TRPV5: variants seen among roughly 807,000 people sequenced by gnomAD.
TRPV5 encodes transient receptor potential cation channel subfamily V member 5.
TRPV5 carries 66 observed loss-of-function variants against 74.1 expected under a neutral mutation model. The ratio of observed to expected loss-of-function variants is 0.89; its 90% CI spans 0.73 to 1.09. TRPV5 has a LOEUF of 1.09. Among genes scored for constraint, TRPV5 ranks in the 50% least tolerant of loss-of-function variants. The pLI is 0.00. For synonymous variants in TRPV5, 399 were observed against 360.7 expected, an observed-to-expected ratio of 1.11 and a Z score of -1.20; for missense variants, 936 against 930.4, an observed-to-expected ratio of 1.01 and a Z score of -0.08.
At chr7:142,912,152 G>A (rs1795710880) in intron 13 of TRPV5, among the ~76,000 whole-genome samples, 1 of 152,202 alleles carries the variant, frequency 6.6e-6, no homozygotes, top group Non-Finnish European at 1.5e-5. Context: ...GGGATTTACA[G>A]AAGCAAATAG....
intron 7 of TRPV5, among the ~76,000 whole-genome samples, chr7:142,927,173 T>C (rs917194300): frequency 2.0e-5 from 3 of 152,302 alleles, no homozygotes; most frequent in African/African-American, 7.2e-5. Flanking sequence ...AGCCCCAGCA[T>C]TTCCTCTGTG....
intron 1 of TRPV5, among the ~76,000 whole-genome samples, chr7:142,932,496 A>G (rs528559056): frequency 6.6e-6 from 1 of 152,342 alleles, no homozygotes; most frequent in East Asian, 1.9e-4. Flanking sequence ...AGGGCATTGA[A>G]CAAAGCACAG....
In TRPV5 at chr7:142,908,568, C is replaced by G. The variant is rs4252509; in HGVS notation, c.2136G>C (p.Leu712Phe). 3.5e-5 allele frequency: 56 copies of G among 1,614,120 alleles called. No individual in the cohort carries two copies. The African/African-American group carries it at 6.3e-4, about 18-fold the overall frequency. The change falls in exon 15 of 15, where the codon TTG becomes TTC. Residue 712 changes from leucine to phenylalanine, a missense_variant. Leu to Phe is a conservative substitution (Grantham distance 22). Coordinates refer to ENST00000265310, the MANE Select transcript of TRPV5 (RefSeq NM_019841.7). ...EILRQNTLGH[L>F]NLGLNLSEGD... ...CCTCACTAAGGTTCAGTCCAAGATT[C>G]AAGTGCCCCAGGGTGTTTTGACGAA...
intron 12 of TRPV5, among the ~76,000 whole-genome samples, chr7:142,913,524 T>G (rs1434747604): frequency 6.6e-6 from 1 of 152,170 alleles, no homozygotes; most frequent in African/African-American, 2.4e-5. Flanking sequence ...GACCATCACC[T>G]CATTTTGTAA....
chr7:142,929,198 C>T (rs2116607081), intron 4 of TRPV5, 78 bp from the exon 5 acceptor site: 1 of 1,549,698 alleles, frequency 6.5e-7, no homozygotes, highest in East Asian at 2.4e-5. Context: ...AAATAAGGGC[C>T]TCCTCCTCAT....
chr7:142,912,837 G>GATCGATCTATCT, intron 12 of TRPV5, 87 bp from the exon 13 acceptor site: 1 of 734,312 alleles, frequency 1.4e-6, no homozygotes, highest in African/African-American at 1.8e-5. Context: ...TTCTATCTCT[G>GATCGATCTATCT]ATCTATCTAT....
chr7:142,915,070 T>G, intron 10 of TRPV5, 24 bp from the exon 11 acceptor site: 1 of 1,609,834 alleles, frequency 6.2e-7, no homozygotes, highest in Non-Finnish European at 8.5e-7. Flanking sequence ...AAGCAGAGAG[T>G]GAGAGACAAG....
At chr7:142,913,017 A>C (rs981637513) in intron 12 of TRPV5, among the ~76,000 whole-genome samples, 3 of 152,170 alleles carry the variant, frequency 2.0e-5, no homozygotes, top group African/African-American at 7.2e-5. Context: ...ATTTAACAAC[A>C]ACAAAATTGT....
intron 1 of TRPV5, 103 bp downstream of exon 1, chr7:142,933,229 G>A: frequency 6.9e-7 from 1 of 1,450,166 alleles, no homozygotes; most frequent in Non-Finnish European, 9.4e-7. Flanking sequence ...GACTGGCACT[G>A]ACAATACACT....
chr7:142,925,926 C>G (rs1459801335), intron 7 of TRPV5, among the ~76,000 whole-genome samples, 185 bp from the exon 8 acceptor site: 1 of 152,126 alleles, frequency 6.6e-6, no homozygotes, highest in Non-Finnish European at 1.5e-5. Context: ...AGGTAAATGA[C>G]TATAGCAGTA....
At chr7:142,920,888 T>C (rs1795872440) in intron 8 of TRPV5, among the ~76,000 whole-genome samples, 1 of 152,210 alleles carries the variant, frequency 6.6e-6, no homozygotes, top group African/African-American at 2.4e-5. Context: ...ATCCACAGTT[T>C]AATAAGGCCT....
chr7:142,909,442 G>A (rs368143691), intron 14 of TRPV5, 48 bp downstream of exon 14: 148 of 1,598,826 alleles, frequency 9.3e-5, no homozygotes, highest in Non-Finnish European at 1.2e-4. Flanking sequence ...CCTTGCTTCC[G>A]TGGCCTTATA....
intron 8 of TRPV5, among the ~76,000 whole-genome samples, chr7:142,919,515 A>G (rs536555433): frequency 1.3e-5 from 2 of 152,322 alleles, no homozygotes; most frequent in East Asian, 1.9e-4. Flanking sequence ...AGATTCCTAG[A>G]TCAAGGTCAC....
chr7:142,927,759 T>C (rs1796011201), intron 7 of TRPV5, among the ~76,000 whole-genome samples: 1 of 151,424 alleles, frequency 6.6e-6, no homozygotes, highest in Non-Finnish European at 1.5e-5. Context: ...CAATTTGACA[T>C]GAAATTTTTG....
rs755056533 is a variant in TRPV5, at chr7:142,928,151, C to T, written c.846G>A (p.Glu282=). The change falls in exon 7 of 15, where the codon GAG becomes GAA. Residue 282 remains glutamate (E), a synonymous_variant. Coordinates refer to ENST00000265310, the MANE Select transcript of TRPV5 (RefSeq NM_019841.7). Reference sequence around the variant, plus strand: ...ACAGCTCCTCTCCCCAGGAGTCGATCTCCGTGAGGTCGTAGAGAATGGAGG... The same window carrying T: ...ACAGCTCCTCTCCCCAGGAGTCGATTTCCGTGAGGTCGTAGAGAATGGAGG... ...PLTSILYDLT[E]IDSWGEELSF... 1 of 1,614,188 alleles carries T rather than the reference C, an allele frequency of 6.2e-7. No homozygotes were observed. The highest frequency in any genetic ancestry group is 1.1e-5 in the South Asian group (1 of 91,080).
In TRPV5 at chr7:142,912,649, T is replaced by C; in HGVS notation, c.1621A>G (p.Ile541Val). 1 of 1,614,188 alleles carries C rather than the reference T, an allele frequency of 6.2e-7. No homozygotes were observed. Among genetic ancestry groups the C allele is most frequent in the Non-Finnish European group, 8.5e-7 (1 of 1,180,032 alleles). ...FTTFELFLTV[I>V]DAPANYDVDL... ...ACGTCGTAGTTGGCAGGTGCATCAATAACAGTGAGAAAAAGCTCAAAGGTG... is the reference window on the plus strand; with the variant it reads ...ACGTCGTAGTTGGCAGGTGCATCAACAACAGTGAGAAAAAGCTCAAAGGTG... The change falls in exon 13 of 15, where the codon ATT becomes GTT. Residue 541 changes from isoleucine (I) to valine (V), a missense_variant. Coordinates refer to ENST00000265310, the MANE Select transcript of TRPV5 (RefSeq NM_019841.7).
chr7:142,920,400 G>C (rs114727571), intron 8 of TRPV5, among the ~76,000 whole-genome samples: 1 of 152,086 alleles, frequency 6.6e-6, no homozygotes, highest in Non-Finnish European at 1.5e-5. Flanking sequence ...AGTATCTGGG[G>C]GTATGAATCA....
intron 4 of TRPV5, 43 bp from the exon 5 acceptor site, chr7:142,929,163 C>A (rs188276279): frequency 2.4e-5 from 38 of 1,602,986 alleles, no homozygotes; most frequent in Middle Eastern, 3.3e-4. Flanking sequence ...CGCAGGATGG[C>A]AGGATGGGGT....
Position 142,928,207 on chromosome 7 carries a change from T to G in TRPV5, c.790A>C (p.Arg264=). 6.2e-7 allele frequency: 1 copy of G among 1,614,156 alleles called. No homozygotes were observed. Among genetic ancestry groups the G allele is most frequent in the Non-Finnish European group, 8.5e-7 (1 of 1,180,022 alleles). The change falls in exon 7 of 15, where the codon AGG becomes CGG. Residue 264 remains arginine, a synonymous_variant. Transcript: ENST00000265310. ...VMFQHLMQKR[R]HIQWTYGPLT... ...GGTCCATACGTCCACTGGATGTGCCTCCGCTTCTGCATCAGGTGCTGGAAC... is the reference window on the plus strand; with the variant it reads ...GGTCCATACGTCCACTGGATGTGCCGCCGCTTCTGCATCAGGTGCTGGAAC...
Sources: gnomAD v4.1 joint callset for allele counts (sites outside exome capture counted in the v4.1 genomes callset) on GRCh38, gnomAD v4.1.1 for gene constraint, MANE v1.5 for transcripts, NCBI Gene and HGNC (gene_info 2026-07-23, HGNC 2026-07-21) for gene names.